The following DLGAP4 variants were observed in gnomAD, a reference collection of about 807,000 sequenced individuals.
DLGAP4 encodes the protein disks large-associated protein 4.
A neutral mutation model predicts 86.9 loss-of-function variants in DLGAP4; 18 were observed. The ratio of observed to expected loss-of-function variants is 0.21; its 90% CI spans 0.14 to 0.31. The LOEUF (loss-of-function observed/expected upper bound fraction) is 0.31, where lower values mean the gene tolerates loss of function less well. Ranked by LOEUF, DLGAP4 falls within the 10% of genes least tolerant of loss-of-function variation. DLGAP4 has a pLI of 1.00. For synonymous variants in DLGAP4, 548 were observed against 574.3 expected (o/e 0.95, Z 0.65); for missense variants, 1,085 against 1,362.6 (o/e 0.80, Z 3.21).
chr20:36,390,236 C>A (rs959875414), intron 2 of DLGAP4, among the ~76,000 whole-genome samples: 1 of 152,174 alleles, frequency 6.6e-6, no homozygotes, highest in Non-Finnish European at 1.5e-5. Context: ...TCAGACCCAG[C>A]CTGAGAAGGA....
At chr20:36,339,160 C>T (rs1390952203) in intron 1 of DLGAP4, among the ~76,000 whole-genome samples, 4 of 152,164 alleles carry the variant, frequency 2.6e-5, no homozygotes, top group African/African-American at 9.7e-5. Flanking sequence ...GCGATCTCAG[C>T]TCACTGCAAC....
At chr20:36,525,346 G>C (rs978091346) in intron 11 of DLGAP4, among the ~76,000 whole-genome samples, 1 of 149,748 alleles carries the variant, frequency 6.7e-6, no homozygotes, top group Non-Finnish European at 1.5e-5. Flanking sequence ...CAAAAGCAAA[G>C]TCCTGGGCTG....
chr20:36,400,432 G>A lies in DLGAP4; in HGVS notation c.-72-31214G>A, dbSNP rs74842993. Reference sequence around the variant, plus strand: ...AGCATTGTGCTTTACAATATGAGTCGTATTATAAATTACTTTCCTTTCACT... The same window carrying A: ...AGCATTGTGCTTTACAATATGAGTCATATTATAAATTACTTTCCTTTCACT... On this transcript the variant is annotated intron_variant, in intron 2 of 12. Coordinates refer to ENST00000339266, the MANE Select transcript of DLGAP4 (RefSeq NM_001365621.2). Among the ~76,000 whole-genome samples the A allele has an allele frequency of 6.7e-3, 1,016 of 152,268 alleles. 1 individual carries two copies. The highest frequency in any genetic ancestry group is 0.011 in the Non-Finnish European group (773 of 68,040).
intron 7 of DLGAP4, among the ~76,000 whole-genome samples, chr20:36,492,114 C>A (rs557289058): frequency 6.6e-6 from 1 of 152,066 alleles, no homozygotes; most frequent in East Asian, 1.9e-4. Context: ...AAGGCCCCAG[C>A]GGGGGAGGAA....
At chr20:36,387,842 G>A (rs2031651689) in intron 2 of DLGAP4, among the ~76,000 whole-genome samples, 1 of 152,154 alleles carries the variant, frequency 6.6e-6, no homozygotes. Context: ...ACTCTGTTCT[G>A]TTTCATTGAT....
intron 1 of DLGAP4, among the ~76,000 whole-genome samples, chr20:36,323,703 G>C (rs2065191345): frequency 6.6e-6 from 1 of 152,154 alleles, no homozygotes; most frequent in South Asian, 2.1e-4. Context: ...TTGGCACCAG[G>C]GACTGGTTTC....
rs368152282 is a variant in DLGAP4 at position 36,432,381 on chromosome 20, G to T, written c.664G>T (p.Gly222Cys). ...DGEAGAFRSSGPASGLMTLGR... is the reference protein window; with the variant it reads ...DGEAGAFRSSCPASGLMTLGR... ...CGAGGCCGGCGCCTTCCGCAGCAGT[G>T]GCCCAGCCTCTGGGCTGATGACACT... The change falls in exon 3 of 13, where the codon GGC (glycine) becomes TGC (cysteine). Residue 222 changes from glycine to cysteine, a missense_variant. Gly to Cys is a radical substitution (Grantham distance 159, BLOSUM62 -3). Coordinates refer to ENST00000339266, the MANE Select transcript of DLGAP4 (RefSeq NM_001365621.2). The surrounding 1 kb of genome is among the most constrained non-coding windows in gnomAD (Gnocchi z 6.5). 5 of 1,613,532 alleles carry T rather than the reference G, an allele frequency of 3.1e-6. No individual in the cohort carries two copies. In the African/African-American group the frequency reaches 5.3e-5, roughly 17 times the overall value.
At chr20:36,337,960 G>A (rs1000778206) in intron 1 of DLGAP4, among the ~76,000 whole-genome samples, 4 of 152,302 alleles carry the variant, frequency 2.6e-5, no homozygotes, top group South Asian at 2.1e-4. Context: ...GGATGAGGAA[G>A]CCGAGGCCCC....
chr20:36,476,793 C>T (rs570807562), intron 7 of DLGAP4, among the ~76,000 whole-genome samples: 1 of 149,794 alleles, frequency 6.7e-6, no homozygotes, highest in Non-Finnish European at 1.5e-5. Flanking sequence ...CCGCAACCTC[C>T]GCCTCCCAGG....
chr20:36,358,522 C>T (rs1296048674), intron 1 of DLGAP4, among the ~76,000 whole-genome samples: 3 of 152,324 alleles, frequency 2.0e-5, no homozygotes, highest in Admixed American at 2.0e-4. Flanking sequence ...AAATAGTTAA[C>T]TTGGCTGGGC....
At chr20:36,315,357 G>A (rs1022889561) in intron 1 of DLGAP4, among the ~76,000 whole-genome samples, 109 of 152,070 alleles carry the variant, frequency 7.2e-4, no homozygotes, top group African/African-American at 2.2e-3. Context: ...GGTGCGGTGC[G>A]GGGACAGCAC....
At chr20:36,419,474 G>C (rs555484839) in intron 2 of DLGAP4, among the ~76,000 whole-genome samples, 1 of 152,240 alleles carries the variant, frequency 6.6e-6, no homozygotes, top group South Asian at 2.1e-4. Flanking sequence ...ACTTGGCCAT[G>C]GTTTCCAGCA....
intron 2 of DLGAP4, among the ~76,000 whole-genome samples, chr20:36,380,246 CA>C (rs869027808): frequency 0.02 from 2,445 of 124,328 alleles, 46 homozygotes; most frequent in African/African-American, 0.05. Context: ...ACAAAAAATA[CA>C]AAAAAAAAAA....
intron 7 of DLGAP4, among the ~76,000 whole-genome samples, chr20:36,490,740 G>A (rs374820537): frequency 2.0e-5 from 3 of 152,198 alleles, no homozygotes; most frequent in Non-Finnish European, 2.9e-5. Flanking sequence ...CATGAGGCCC[G>A]TGTTAGGCCT....
At position 36,409,753 on chromosome 20, in the gene DLGAP4, G is replaced by A. The variant is rs958745572; in HGVS notation, c.-72-21893G>A. On this transcript the variant is annotated intron_variant, in intron 2 of 12. Coordinates refer to ENST00000339266, the MANE Select transcript of DLGAP4 (RefSeq NM_001365621.2). ...AACATAATAAAAAGCCCTCCTCCTG[G>A]CCGGGCGCAGTGGCTCAAGCCTGTA... Among the ~76,000 whole-genome samples, 4 of 150,588 alleles carry A rather than the reference G, an allele frequency of 2.7e-5. No homozygotes were observed. The South Asian group carries it at 6.3e-4, about 24-fold the overall frequency.
intron 2 of DLGAP4, among the ~76,000 whole-genome samples, chr20:36,411,950 G>A (rs895378494): frequency 6.6e-6 from 1 of 152,164 alleles, no homozygotes; most frequent in Non-Finnish European, 1.5e-5. Flanking sequence ...CCTTCCTGGT[G>A]CCCCTGTGAG....
intron 7 of DLGAP4, among the ~76,000 whole-genome samples, chr20:36,491,030 T>C (rs1436095533): frequency 9.9e-6 from 1 of 101,440 alleles, no homozygotes; most frequent in African/African-American, 3.6e-5. Flanking sequence ...CCATCTCTAC[T>C]AAAAAAAAAA....
intron 7 of DLGAP4, among the ~76,000 whole-genome samples, chr20:36,466,606 G>T (rs748419085): frequency 6.6e-6 from 1 of 152,216 alleles, no homozygotes; most frequent in Non-Finnish European, 1.5e-5. Flanking sequence ...CACTCAACCT[G>T]TGCTGGAATC....
At chr20:36,378,962 C>T (rs757036299) in intron 2 of DLGAP4, among the ~76,000 whole-genome samples, 8 of 152,158 alleles carry the variant, frequency 5.3e-5, no homozygotes, top group Non-Finnish European at 1.2e-4. Flanking sequence ...AAAAGATGGG[C>T]ACGCTTCCTG....
Sources: gnomAD v4.1 joint callset for allele counts (sites outside exome capture counted in the v4.1 genomes callset) on GRCh38, gnomAD v4.1.1 for gene constraint, Gnocchi (gnomAD v3.1) non-coding constraint, MANE v1.5 for transcripts, NCBI Gene and HGNC (gene_info 2026-07-23, HGNC 2026-07-21) for gene names.